TADA2B: variants seen among roughly 807,000 people sequenced by gnomAD.
TADA2B encodes the protein transcriptional adaptor 2B, also known as transcriptional adapter 2-beta.
TADA2B carries 13 observed loss-of-function variants against 34.5 expected under a neutral mutation model. The ratio of observed to expected loss-of-function variants is 0.38; its 90% CI spans 0.25 to 0.60. TADA2B has a LOEUF of 0.60. Among genes scored for constraint, TADA2B ranks in the 20% least tolerant of loss-of-function variants. The probability of loss-of-function intolerance (pLI) is 0.65; values close to 1 mark genes in which losing one functional copy is unlikely to be tolerated. For synonymous variants in TADA2B, 240 were observed against 243.4 expected, an observed-to-expected ratio of 0.99 and a Z score of 0.13; for missense variants, 442 against 575.0, an observed-to-expected ratio of 0.77 and a Z score of 2.37.
chr4:7,043,873 G>C, intron 1 of TADA2B, 24 bp downstream of exon 1: 1 of 1,460,342 alleles, frequency 6.8e-7, no homozygotes, highest in Admixed American at 2.3e-5. Context: ...CGGGGGCCGG[G>C]TCCCGGCTAG....
chr4:7,054,693 A>G lies in TADA2B; in HGVS notation c.902A>G (p.Lys301Arg), dbSNP rs371816393. The change falls in exon 2 of 2, where the codon AAG becomes AGG. Residue 301 changes from lysine to arginine, a missense_variant. By Grantham distance (26) the Lys-to-Arg change is conservative. Around this residue, in one of 4 missense-constraint regions of TADA2B, gnomAD observed 4 missense variants for 18.0 expected, o/e 0.22. Coordinates refer to ENST00000310074, the MANE Select transcript of TADA2B (RefSeq NM_152293.3). ...LQRYRRNGIT[K>R]MEESAEYEAA... ...CGGTACCGGCGAAACGGGATCACCA[A>G]GATGGAAGAGTCGGCAGAGTACGAG... is the stretch of plus-strand genomic sequence containing the variant. 3.7e-6 allele frequency: 6 copies of G among 1,613,880 alleles called. No homozygotes were observed. Among genetic ancestry groups the G allele is most frequent in the African/African-American group, 2.7e-5 (2 of 74,940 alleles).
intron 1 of TADA2B, among the ~76,000 whole-genome samples, chr4:7,051,377 G>T (rs1723763968): frequency 6.6e-6 from 1 of 152,188 alleles, no homozygotes; most frequent in Non-Finnish European, 1.5e-5. Flanking sequence ...ACCTCCAGCA[G>T]GGTGGGCGCT....
chr4:7,049,381 T>G (rs545065732), intron 1 of TADA2B, among the ~76,000 whole-genome samples: 47 of 152,370 alleles, frequency 3.1e-4, no homozygotes, highest in African/African-American at 9.4e-4. Context: ...TGTGTGATTT[T>G]GAGGAACCGC....
chr4:7,054,837 A>C lies in TADA2B; in HGVS notation c.1046A>C (p.Glu349Ala). The stretch of plus-strand genomic sequence containing the variant: ...GCCATTGAGAACCTTCCAGGCTTCG[A>C]GCTCCTGTCAGATCGCGAGAAGGTG... The part of the protein sequence containing the change: ...FAAIENLPGF[E>A]LLSDREKVLC... The change falls in exon 2 of 2, where the codon GAG becomes GCG. Residue 349 changes from glutamate to alanine, a missense_variant. Transcript: ENST00000310074. 1.2e-6 allele frequency: 2 copies of C among 1,613,848 alleles called. No homozygotes were observed. The highest frequency in any genetic ancestry group is 1.7e-6 in the Non-Finnish European group (2 of 1,179,844).
chr4:7,043,553 C>T lies in TADA2B; in HGVS notation c.-27C>T. The T allele has an allele frequency of 7.4e-6, 9 of 1,210,728 alleles. No individual in the cohort carries two copies. Among genetic ancestry groups the T allele is most frequent in the Non-Finnish European group, 9.3e-6 (9 of 971,340 alleles). 75.0% of individuals were successfully genotyped at this position (1,210,728 alleles called of 1,614,324 possible). On this transcript the variant is annotated 5_prime_UTR_variant, in exon 1 of 2. Coordinates refer to ENST00000310074, the MANE Select transcript of TADA2B (RefSeq NM_152293.3). Reference sequence around the variant, plus strand: ...CGGGGGCGCGGCGGCTGCGGCGGGCCGGGCGGCGGGCGGCGAGCGGGGGAA... The same window carrying T: ...CGGGGGCGCGGCGGCTGCGGCGGGCTGGGCGGCGGGCGGCGAGCGGGGGAA...
intron 1 of TADA2B, among the ~76,000 whole-genome samples, chr4:7,049,640 G>A (rs1723718104): frequency 6.6e-6 from 1 of 152,254 alleles, no homozygotes; most frequent in South Asian, 2.1e-4. Context: ...AAGCCAGTAA[G>A]TCCCCAGCCT....
At chr4:7,047,473 T>C (rs1723658102) in intron 1 of TADA2B, among the ~76,000 whole-genome samples, 1 of 152,342 alleles carries the variant, frequency 6.6e-6, no homozygotes, top group East Asian at 1.9e-4. Context: ...CCCTTTGAGA[T>C]GATGGTGGAC....
chr4:7,054,163 C>A lies in TADA2B; in HGVS notation c.372C>A (p.Ile124=), dbSNP rs1271501025. 1 of 1,604,982 alleles carries A rather than the reference C, an allele frequency of 6.2e-7. No individual in the cohort carries two copies. Among genetic ancestry groups the A allele is most frequent in the East Asian group, 2.3e-5 (1 of 44,374 alleles). ...YIHGNLGKAC[I]PDTIPNRVTD... ...ACGGGAACCTGGGGAAGGCCTGCAT[C>A]CCCGACACCATCCCCAACCGCGTGA... Residue 124 remains isoleucine, a synonymous_variant, in exon 2 of 2, where the codon ATC becomes ATA. Transcript: ENST00000310074.
intron 1 of TADA2B, 95 bp from the exon 2 acceptor site, chr4:7,053,967 T>C (rs1723828529): frequency 1.2e-5 from 17 of 1,395,924 alleles, no homozygotes; most frequent in Non-Finnish European, 1.6e-5. Context: ...GGAAGTACTC[T>C]AGGTCAGCCT....
chr4:7,054,419 G>T lies in TADA2B; in HGVS notation c.628G>T (p.Val210Leu). Residue 210 changes from valine to leucine, a missense_variant, in exon 2 of 2, where the codon GTG becomes TTG. By Grantham distance (32) the Val-to-Leu change is conservative. Transcript: ENST00000310074. ...GAAGCGCGCCCACGTGGACATGTAC[G>T]TGCGGAAGCTGAAAGAGAGACAGCG... is the stretch of plus-strand genomic sequence containing the variant. ...ELKRAHVDMYVRKLKERQRRK... is the reference protein window; with the variant it reads ...ELKRAHVDMYLRKLKERQRRK... 2 of 1,613,684 alleles carry T rather than the reference G, an allele frequency of 1.2e-6. No homozygotes were observed. The highest frequency in any genetic ancestry group is 1.7e-6 in the Non-Finnish European group (2 of 1,179,892).
Position 7,054,182 on chromosome 4 carries a change from C to T in TADA2B, c.391C>T (p.Arg131Cys), listed in dbSNP as rs780593725. 1.9e-6 allele frequency: 3 copies of T among 1,606,198 alleles called. No individual in the cohort carries two copies. Among genetic ancestry groups the T allele is most frequent in the Non-Finnish European group, 8.5e-7 (1 of 1,176,478 alleles). The change falls in exon 2 of 2, where the codon CGC (arginine) becomes TGC (cysteine). Residue 131 changes from arginine to cysteine, a missense_variant. This residue lies in a region of TADA2B where 222 missense variants were observed against 235.2 expected (regional missense o/e 0.94). Transcript: ENST00000310074. ...CTGCATCCCCGACACCATCCCCAAC[C>T]GCGTGACAGACCACACCTGTCCCAG... ...KACIPDTIPNRVTDHTCPSGG... is the reference protein window; with the variant it reads ...KACIPDTIPNCVTDHTCPSGG...
In TADA2B at chr4:7,054,632, G is replaced by A; in HGVS notation, c.841G>A (p.Glu281Lys). The stretch of plus-strand genomic sequence containing the variant: ...TGACCTTTTTGAAAACATGCACAAA[G>A]AAAAAATGCTCCGGGCCAAGATCCG... ...FDDLFENMHK[E>K]KMLRAKIREL... Residue 281 changes from glutamate (E) to lysine (K), a missense_variant, in exon 2 of 2, where the codon GAA becomes AAA. Coordinates refer to ENST00000310074, the MANE Select transcript of TADA2B (RefSeq NM_152293.3). 6.2e-7 allele frequency: 1 copy of A among 1,613,868 alleles called. No individual in the cohort carries two copies. Among genetic ancestry groups the A allele is most frequent in the Non-Finnish European group, 8.5e-7 (1 of 1,179,864 alleles).
At chr4:7,052,575 C>A (rs1331563824) in intron 1 of TADA2B, among the ~76,000 whole-genome samples, 1 of 152,208 alleles carries the variant, frequency 6.6e-6, no homozygotes, top group African/African-American at 2.4e-5. Flanking sequence ...GTGTGTGGGG[C>A]TGCACGTGTC....
Position 7,056,001 on chromosome 4 carries a change from C to T in TADA2B, c.*947C>T, listed in dbSNP as rs1482775468. On this transcript the variant is annotated 3_prime_UTR_variant, in exon 2 of 2. Transcript: ENST00000310074. Reference sequence around the variant, plus strand: ...TTCTGAATTCTGGCGTCAGCTTCCTCAGGATTTTCTTCAGTTGCAAGTACC... The same window carrying T: ...TTCTGAATTCTGGCGTCAGCTTCCTTAGGATTTTCTTCAGTTGCAAGTACC... 6.6e-6 allele frequency: 1 copy of T among 152,298 alleles called. No homozygotes were observed. The highest frequency in any genetic ancestry group is 1.5e-5 in the Non-Finnish European group (1 of 68,068). 9.4% of individuals were successfully genotyped at this position (152,298 alleles called of 1,614,324 possible).
At chr4:7,048,316 T>C (rs1325081428) in intron 1 of TADA2B, among the ~76,000 whole-genome samples, 1 of 151,814 alleles carries the variant, frequency 6.6e-6, no homozygotes, top group Non-Finnish European at 1.5e-5. Flanking sequence ...GGAGAGTGGC[T>C]GGGAGGGGCA....
At chr4:7,050,821 G>A (rs1303131694) in intron 1 of TADA2B, among the ~76,000 whole-genome samples, 1 of 152,252 alleles carries the variant, frequency 6.6e-6, no homozygotes. Flanking sequence ...CACAACATCG[G>A]GAAGCGGCTA....
Position 7,043,564 on chromosome 4 carries a change from C to G in TADA2B, c.-16C>G, listed in dbSNP as rs1020093975. On this transcript the variant is annotated 5_prime_UTR_variant, in exon 1 of 2. Transcript: ENST00000310074. ...CGGCTGCGGCGGGCCGGGCGGCGGG[C>G]GGCGAGCGGGGGAAGATGGCGGAGC... The G allele has an allele frequency of 8.1e-7, 1 of 1,232,718 alleles. No homozygotes were observed. Among genetic ancestry groups the G allele is most frequent in the South Asian group, 4.0e-5 (1 of 25,064 alleles). The allele number at this position is 1,232,718 out of a possible 1,614,324, so 76.4% of individuals were successfully genotyped here.
chr4:7,050,249 C>T (rs1723728683), intron 1 of TADA2B, among the ~76,000 whole-genome samples: 1 of 152,218 alleles, frequency 6.6e-6, no homozygotes, highest in Admixed American at 6.5e-5. Context: ...TCCCTCCTGT[C>T]CTTTAGGACA....
rs531388439 is a variant in TADA2B at position 7,055,536 on chromosome 4, C to T, written c.*482C>T. The T allele has an allele frequency of 1.5e-4, 24 of 156,486 alleles. No individual in the cohort carries two copies. Among genetic ancestry groups the T allele is most frequent in the Admixed American group, 4.4e-4 (7 of 16,006 alleles). 9.7% of individuals were successfully genotyped at this position (156,486 alleles called of 1,614,324 possible). A position where few individuals can be genotyped will look rare whatever the true frequency, so the allele number is the denominator to read the frequency against. On this transcript the variant is annotated 3_prime_UTR_variant, in exon 2 of 2. Transcript: ENST00000310074. Reference sequence around the variant, plus strand: ...TGACCCCAGCGCAGCCCCGGGCACGCGGCACTTTACATGGGGGCAGCTTGG... The same window carrying T: ...TGACCCCAGCGCAGCCCCGGGCACGTGGCACTTTACATGGGGGCAGCTTGG...
Sources: gnomAD v4.1 joint callset for allele counts (sites outside exome capture counted in the v4.1 genomes callset) on GRCh38, gnomAD v4.1.1 for gene constraint, gnomAD v4.1.1 regional missense constraint, MANE v1.5 for transcripts, NCBI Gene and HGNC (gene_info 2026-07-23, HGNC 2026-07-21) for gene names.